The following NEK3 variants were observed in gnomAD, a reference collection of about 807,000 sequenced individuals.
NEK3 encodes the protein NIMA related kinase 3.
Under a neutral mutation model 66.0 loss-of-function variants are expected in NEK3, and 54 were observed. That is an observed-to-expected ratio of 0.82 (90% CI 0.66 to 1.03). NEK3 has a LOEUF of 1.03. NEK3 is among the 50% of genes least tolerant of loss of function. NEK3 has a pLI of 0.00. For synonymous variants in NEK3, 200 were observed against 206.2 expected, an observed-to-expected ratio of 0.97 and a Z score of 0.26; for missense variants, 593 against 603.0, an observed-to-expected ratio of 0.98 and a Z score of 0.17.
rs369092466 is a variant in NEK3, at chr13:52,135,827, C to G, written c.1211G>C (p.Arg404Pro). The part of the protein sequence containing the change: ...SVIKYSKNTT[R>P]KQWLKETPDT... ...AGGGGTCTCTTTGAGCCACTGCTTA[C>G]GAGTAGTATTTTTGCTGTACTTTAT... The change falls in exon 14 of 16, where the codon CGT becomes CCT. Residue 404 changes from arginine to proline, a missense_variant. Physicochemically the swap from Arg to Pro is moderately radical, Grantham distance 103 (BLOSUM62 -2). Transcript: ENST00000610828. 6.2e-7 allele frequency: 1 copy of G among 1,613,372 alleles called. No homozygotes were observed. Among genetic ancestry groups the G allele is most frequent in the South Asian group, 1.1e-5 (1 of 91,014 alleles).
chr13:52,136,645 G>A (rs1017919102), intron 12 of NEK3, among the ~76,000 whole-genome samples, 155 bp downstream of exon 12: 8 of 151,752 alleles, frequency 5.3e-5, no homozygotes, highest in African/African-American at 1.9e-4. Context: ...TTTGTTGTAG[G>A]TAAATAAAAT....
chr13:52,145,012 C>A (rs547839095), intron 8 of NEK3, 121 bp from the exon 9 acceptor site: 3 of 690,082 alleles, frequency 4.3e-6, no homozygotes, highest in Non-Finnish European at 4.9e-6. Context: ...ATTTTTCTTT[C>A]TAGAGGTGTC....
intron 7 of NEK3, among the ~76,000 whole-genome samples, chr13:52,149,883 AAG>A (rs1380375590): frequency 6.6e-6 from 1 of 151,950 alleles, no homozygotes; most frequent in Non-Finnish European, 1.5e-5. Flanking sequence ...AAAAAAAAAA[AAG>A]GTTGCAGATA....
chr13:52,133,141 A>G lies in NEK3; in HGVS notation c.*1T>C, dbSNP rs1486387547. ...GTGACTCAGGAACATTTCCTCAGGC[A>G]TTATCTGTCGCACAGGCCTTGCCAT... On this transcript the variant is annotated 3_prime_UTR_variant, in exon 16 of 16. Transcript: ENST00000610828. The G allele has an allele frequency of 1.2e-6, 2 of 1,607,634 alleles. No homozygotes were observed. The highest frequency in any genetic ancestry group is 1.7e-6 in the Non-Finnish European group (2 of 1,177,048).
Position 52,134,950 on chromosome 13 carries a change from C to T in NEK3, c.1309+779G>A, listed in dbSNP as rs141353370. Among the ~76,000 whole-genome samples, 481 of 152,244 alleles carry T rather than the reference C, an allele frequency of 3.2e-3. 3 individuals are homozygous for T. The highest frequency in any genetic ancestry group is 0.01 in the African/African-American group (432 of 41,544). On this transcript the variant is annotated intron_variant, in intron 14 of 15. Coordinates refer to ENST00000610828, the MANE Select transcript of NEK3 (RefSeq NM_002498.3). ...TTTTTTTATCTTAACCTTTGTTAGGCATTCAATAAATACTGACCAAATAAA... is the reference window on the plus strand; with the variant it reads ...TTTTTTTATCTTAACCTTTGTTAGGTATTCAATAAATACTGACCAAATAAA...
Position 52,133,201 on chromosome 13 carries a change from G to C in NEK3, c.1462C>G (p.Pro488Ala). The C allele has an allele frequency of 6.2e-7, 1 of 1,609,246 alleles. No individual in the cohort carries two copies. The highest frequency in any genetic ancestry group is 8.5e-7 in the Non-Finnish European group (1 of 1,177,984). Residue 488 changes from proline (P) to alanine (A), a missense_variant, in exon 16 of 16, where the codon CCC becomes GCC. By Grantham distance (27) the Pro-to-Ala change is conservative (BLOSUM62 -1). Coordinates refer to ENST00000610828, the MANE Select transcript of NEK3 (RefSeq NM_002498.3). ...DTDFEEEDDN[P>A]DWVSELKKRA... ...TTCTTCAGCTCTGACACCCAGTCGG[G>C]GTTGTCATCTTCCTCCTCAAAGTCC... is the stretch of plus-strand genomic sequence containing the variant.
chr13:52,158,006 T>C (rs1445355575), intron 1 of NEK3, among the ~76,000 whole-genome samples: 3 of 152,134 alleles, frequency 2.0e-5, no homozygotes, highest in East Asian at 3.9e-4. Flanking sequence ...GCCTCCCGAG[T>C]AGCTGGGATT....
At chr13:52,137,704 G>T (rs1956216752) in intron 11 of NEK3, among the ~76,000 whole-genome samples, 2 of 152,150 alleles carry the variant, frequency 1.3e-5, no homozygotes, top group Non-Finnish European at 2.9e-5. Context: ...GCTGTGAAAA[G>T]CCCCCCAGGG....
rs1401969496 is a variant in NEK3, at chr13:52,144,850, A to C, written c.645T>G (p.Cys215Trp). The stretch of plus-strand genomic sequence containing the variant: ...ACGGCAGTGGACTGATGCACCCTTG[A>C]CATACTTTGAGGATAAGATTTTTCC... ...NSWKNLILKV[C>W]QGCISPLPSH... Residue 215 changes from cysteine to tryptophan, a missense_variant, in exon 9 of 16, where the codon TGT becomes TGG. Transcript: ENST00000610828. 2.5e-6 allele frequency: 4 copies of C among 1,611,642 alleles called. No individual in the cohort carries two copies. The highest frequency in any genetic ancestry group is 2.5e-6 in the Non-Finnish European group (3 of 1,178,740).
At chr13:52,133,643 A>ACC in intron 15 of NEK3, 46 bp downstream of exon 15, 3 of 1,540,328 alleles carry the variant, frequency 1.9e-6, no homozygotes, top group Non-Finnish European at 2.6e-6. Flanking sequence ...ACACACACAC[A>ACC]CACCCCCAAC....
chr13:52,151,072 G>T, intron 7 of NEK3, 74 bp downstream of exon 7: 1 of 1,152,928 alleles, frequency 8.7e-7, no homozygotes, highest in Non-Finnish European at 1.3e-6. Context: ...AGTGACGTCA[G>T]ACTCTAGCAT....
At position 52,151,338 on chromosome 13, in the gene NEK3, G is replaced by C; in HGVS notation, c.448C>G (p.Arg150Gly). The C allele has an allele frequency of 6.3e-7, 1 of 1,598,668 alleles. No homozygotes were observed. Among genetic ancestry groups the C allele is most frequent in the Non-Finnish European group, 8.5e-7 (1 of 1,172,224 alleles). Residue 150 changes from arginine to glycine, a missense_variant, in exon 6 of 16, where the codon CGT (arginine) becomes GGT (glycine). By Grantham distance (125) the Arg-to-Gly change is moderately radical. Coordinates refer to ENST00000610828, the MANE Select transcript of NEK3 (RefSeq NM_002498.3). ...AGACATACATACTTGGAGAGAAGACGGGCAGATCCAAAGTCTCCCAATTTC... is the reference window on the plus strand; with the variant it reads ...AGACATACATACTTGGAGAGAAGACCGGCAGATCCAAAGTCTCCCAATTTC... ...KVKLGDFGSA[R>G]LLSNPMAFAC...
rs1405084241 is a variant in NEK3, at chr13:52,136,375, CTA to C, written c.1031-118_1031-117del. Reference sequence around the variant, plus strand: ...TTTCTTTTCTCTTTCATATTCAGATCTATGTTTGAAAGATCAATGTTCTTTCT... The same window carrying C: ...TTTCTTTTCTCTTTCATATTCAGATCTGTTTGAAAGATCAATGTTCTTTCT... On this transcript the variant is annotated intron_variant, in intron 12 of 15. Coordinates refer to ENST00000610828, the MANE Select transcript of NEK3 (RefSeq NM_002498.3). 10 of 1,040,856 alleles carry C rather than the reference CTA, an allele frequency of 9.6e-6. No individual in the cohort carries two copies. In the South Asian group the frequency reaches 1.9e-4, roughly 20 times the overall value. 64.5% of individuals were successfully genotyped at this position (1,040,856 alleles called of 1,614,324 possible). A position where few individuals can be genotyped will look rare whatever the true frequency, so the allele number is the denominator to read the frequency against.
chr13:52,143,232 C>T (rs1956265418), intron 10 of NEK3, among the ~76,000 whole-genome samples: 1 of 151,890 alleles, frequency 6.6e-6, no homozygotes, highest in Non-Finnish European at 1.5e-5. Flanking sequence ...AAGAGAATCA[C>T]TTGAACCTGG....
chr13:52,152,414 A>G (rs1049476836), intron 5 of NEK3, among the ~76,000 whole-genome samples, 195 bp downstream of exon 5: 1 of 152,216 alleles, frequency 6.6e-6, no homozygotes, highest in South Asian at 2.1e-4. Context: ...GTTGTACGTC[A>G]TAAACATACA....
At chr13:52,141,614 G>C (rs1956250607) in intron 10 of NEK3, among the ~76,000 whole-genome samples, 1 of 152,128 alleles carries the variant, frequency 6.6e-6, no homozygotes, top group Non-Finnish European at 1.5e-5. Flanking sequence ...ATTGAACATG[G>C]ATGATGATGC....
At chr13:52,156,904 G>A (rs1205322922) in intron 1 of NEK3, 2 of 152,242 alleles carry the variant, frequency 1.3e-5, no homozygotes, top group Non-Finnish European at 2.9e-5. Flanking sequence ...CTCTGAGTCA[G>A]ATGTTATAAT....
At chr13:52,154,834 T>C (rs905040027) in intron 2 of NEK3, among the ~76,000 whole-genome samples, 1 of 148,476 alleles carries the variant, frequency 6.7e-6, no homozygotes, top group Non-Finnish European at 1.5e-5. Context: ...ATAGATGTAG[T>C]ATAGTCCCAG....
chr13:52,139,025 A>T (rs149765337), intron 11 of NEK3, among the ~76,000 whole-genome samples: 156 of 152,334 alleles, frequency 1.0e-3, no homozygotes, highest in African/African-American at 3.6e-3. Flanking sequence ...ACACTGAAAC[A>T]TGGATCGGCT....
Sources: allele counts gnomAD v4.1 joint callset (sites outside exome capture counted in the v4.1 genomes callset), GRCh38; gene constraint gnomAD v4.1.1; transcripts MANE v1.5; gene names NCBI Gene and HGNC (gene_info 2026-07-23, HGNC 2026-07-21).